Variants in PRELID2 observed in about 807,000 individuals in gnomAD.
PRELID2 encodes PRELI domain containing 2, also known as PRELI domain-containing protein 2.
Under a neutral mutation model 28.4 loss-of-function variants are expected in PRELID2, and 25 were observed. That is an observed-to-expected ratio of 0.88 (90% CI 0.64 to 1.23). The LOEUF (loss-of-function observed/expected upper bound fraction) is 1.23, where lower values mean the gene tolerates loss of function less well. Ranked by LOEUF, PRELID2 falls within the 50% of genes most tolerant of loss-of-function variation. The probability of loss-of-function intolerance (pLI) is 0.00; values close to 1 mark genes in which losing one functional copy is unlikely to be tolerated. For synonymous variants in PRELID2, 76 were observed against 71.6 expected (o/e 1.06, Z -0.31); for missense variants, 201 against 214.4 (o/e 0.94, Z 0.39).
At chr5:145,542,010 G>C (rs142030566) in intron 1 of PRELID2, among the ~76,000 whole-genome samples, 101 of 152,118 alleles carry the variant, frequency 6.6e-4, no homozygotes, top group Middle Eastern at 3.4e-3. Context: ...TTTGGGGTTT[G>C]GGGGAAATTA....
intron 1 of PRELID2, among the ~76,000 whole-genome samples, chr5:145,543,369 G>A (rs1752760765): frequency 6.6e-6 from 1 of 151,988 alleles, no homozygotes; most frequent in Non-Finnish European, 1.5e-5. Flanking sequence ...CAAAATTTTA[G>A]TGTGTTCTAT....
the PRELID2 span, among the ~76,000 whole-genome samples, chr5:145,291,337 G>GAAAAAAA: frequency 2.4e-5 from 1 of 41,740 alleles, no homozygotes; most frequent in African/African-American, 8.0e-5. Context: ...CTCTGTTTCA[G>GAAAAAAA]AAAAAAAAAA....
At chr5:145,422,794 A>G in the PRELID2 span, among the ~76,000 whole-genome samples, 4 of 149,546 alleles carry the variant, frequency 2.7e-5, no homozygotes, top group Admixed American at 2.7e-4. Flanking sequence ...TTAGCTGGTT[A>G]TTTTGCTCAT....
intron 1 of PRELID2, among the ~76,000 whole-genome samples, chr5:145,502,182 C>T (rs1752365459): frequency 6.6e-6 from 1 of 152,048 alleles, no homozygotes; most frequent in African/African-American, 2.4e-5. Flanking sequence ...AACATACAGT[C>T]ACAGTGAAAG....
chr5:145,766,767 T>A (rs1164508857), intron 5 of PRELID2, among the ~76,000 whole-genome samples: 4 of 152,114 alleles, frequency 2.6e-5, no homozygotes, highest in African/African-American at 7.2e-5. Context: ...CTGATCACTT[T>A]TACTAAGGAG....
At chr5:145,454,457 G>T in the PRELID2 span, among the ~76,000 whole-genome samples, 3 of 152,136 alleles carry the variant, frequency 2.0e-5, no homozygotes, top group Non-Finnish European at 4.4e-5. Flanking sequence ...AGGAAATAAA[G>T]GGTATTCAAT....
the PRELID2 span, among the ~76,000 whole-genome samples, chr5:145,406,242 T>C: frequency 2.0e-4 from 31 of 152,320 alleles, no homozygotes; most frequent in Non-Finnish European, 4.4e-4. Context: ...CTTCTCATAT[T>C]TGTATAACAG....
chr5:145,618,543 G>C (rs1043268797), intron 1 of PRELID2, among the ~76,000 whole-genome samples: 1 of 152,168 alleles, frequency 6.6e-6, no homozygotes, highest in Non-Finnish European at 1.5e-5. Context: ...CCATCTATGG[G>C]TTTCTCAGCC....
intron 1 of PRELID2, among the ~76,000 whole-genome samples, chr5:145,680,503 G>C (rs1172939397): frequency 6.6e-6 from 1 of 152,150 alleles, no homozygotes; most frequent in Non-Finnish European, 1.5e-5. Flanking sequence ...TCTTTTGTTA[G>C]CTCAAACTGA....
intron 1 of PRELID2, among the ~76,000 whole-genome samples, chr5:145,569,484 T>C (rs1275291392): frequency 1.3e-5 from 2 of 152,218 alleles, no homozygotes; most frequent in African/African-American, 4.8e-5. Flanking sequence ...GCTTGGCTTT[T>C]GACTTCCTAA....
At chr5:145,556,207 A>G (rs1752879072) in intron 1 of PRELID2, among the ~76,000 whole-genome samples, 2 of 151,864 alleles carry the variant, frequency 1.3e-5, no homozygotes, top group Admixed American at 1.3e-4. Flanking sequence ...AGAAAAGAAA[A>G]GAAAACTTTT....
chr5:145,267,992 A>T, the PRELID2 span, among the ~76,000 whole-genome samples: 1 of 151,854 alleles, frequency 6.6e-6, no homozygotes, highest in East Asian at 1.9e-4. Flanking sequence ...TCTATTTTTA[A>T]ATCAGATAAT....
the PRELID2 span, among the ~76,000 whole-genome samples, chr5:145,337,330 A>G: frequency 6.6e-6 from 1 of 151,972 alleles, no homozygotes; most frequent in Non-Finnish European, 1.5e-5. Flanking sequence ...TAACCAAGAA[A>G]AAAAGAAGAC....
At chr5:145,812,477 T>A (rs943905650) in intron 4 of PRELID2, among the ~76,000 whole-genome samples, 1 of 152,240 alleles carries the variant, frequency 6.6e-6, no homozygotes, top group African/African-American at 2.4e-5. Context: ...TCACTTGACA[T>A]CTCTAGCCTC....
chr5:145,752,448 A>T (rs773652357), downstream of PRELID2, among the ~76,000 whole-genome samples: 28 of 152,202 alleles, frequency 1.8e-4, no homozygotes, highest in Admixed American at 1.4e-3. Context: ...TAAGGTCTTT[A>T]TGTCCAATCA....
intron 1 of PRELID2, among the ~76,000 whole-genome samples, chr5:145,479,160 C>T (rs1388614652): frequency 2.6e-5 from 4 of 152,184 alleles, no homozygotes; most frequent in Non-Finnish European, 4.4e-5. Flanking sequence ...GCCAAACCAA[C>T]GTTCCTAAAT....
the PRELID2 span, among the ~76,000 whole-genome samples, chr5:145,354,359 A>G: frequency 2.0e-5 from 3 of 152,232 alleles, no homozygotes; most frequent in South Asian, 6.2e-4. Flanking sequence ...TTGGTGGTGT[A>G]CGATTTTTTT....
In PRELID2 at chr5:145,630,129, C is replaced by CATGGATGGATGG. The variant is rs61612357; in HGVS notation, n.70+134790_70+134801dup. On this transcript the variant is annotated intron_variant and non_coding_transcript_variant, in intron 1 of 2. Coordinates refer to the PRELID2 transcript ENST00000510259. Reference sequence around the variant, plus strand: ...GTGTACTCAAAAAAATGTTTGGATGCATGGATGGATGGATGGATGGATGGA... The same window carrying CATGGATGGATGG: ...GTGTACTCAAAAAAATGTTTGGATGCATGGATGGATGGATGGATGGATGGATGGATGGATGGA... Among the ~76,000 whole-genome samples the CATGGATGGATGG allele has an allele frequency of 8.5e-3, 1,286 of 150,958 alleles. 20 individuals are homozygous for CATGGATGGATGG. The highest frequency in any genetic ancestry group is 0.029 in the African/African-American group (1,201 of 40,952).
chr5:145,656,007 C>T (rs1754386617), intron 1 of PRELID2, among the ~76,000 whole-genome samples: 1 of 152,050 alleles, frequency 6.6e-6, no homozygotes, highest in Non-Finnish European at 1.5e-5. Context: ...ACTCATCTGA[C>T]AAAAGGCTAA....
Sources: gnomAD v4.1 joint callset for allele counts (sites outside exome capture counted in the v4.1 genomes callset) on GRCh38, gnomAD v4.1.1 for gene constraint, MANE v1.5 for transcripts, NCBI Gene and HGNC (gene_info 2026-07-23, HGNC 2026-07-21) for gene names.